The following TBL1X variants were observed in gnomAD, a reference collection of about 807,000 sequenced individuals.
TBL1X encodes the protein F-box-like/WD repeat-containing protein TBL1X.
Under a neutral mutation model 50.7 loss-of-function variants are expected in TBL1X, and 10 were observed. The observed-to-expected ratio is 0.20, with a 90% confidence interval of 0.12 to 0.33. TBL1X has a LOEUF of 0.33. TBL1X is among the 10% of genes least tolerant of loss of function. TBL1X has a pLI of 1.00. For synonymous variants in TBL1X, 190 were observed against 214.7 expected (o/e 0.88, Z 1.01); for missense variants, 340 against 504.4 (o/e 0.67, Z 3.12).
chrX:9,629,255 A>G (rs907842433), intron 2 of TBL1X, among the ~76,000 whole-genome samples: 5 of 112,864 alleles, frequency 4.4e-5, no homozygotes, highest in African/African-American at 1.6e-4. Context: ...AGGTAGTTTT[A>G]TTGGAACACA....
chrX:9,591,042 G>A (rs541102051), intron 2 of TBL1X, among the ~76,000 whole-genome samples: 16 of 110,176 alleles, frequency 1.5e-4, no homozygotes, highest in African/African-American at 4.6e-4. Flanking sequence ...TACCAGGGAC[G>A]ACCCAGGACA....
At chrX:9,655,397 T>C (rs941463635) in intron 5 of TBL1X, among the ~76,000 whole-genome samples, 3 of 111,306 alleles carry the variant, frequency 2.7e-5, no homozygotes, top group Non-Finnish European at 3.8e-5. Flanking sequence ...TTTGTCCACA[T>C]TTCCCCACGG....
chrX:9,634,304 C>T (rs1028338894), intron 2 of TBL1X, among the ~76,000 whole-genome samples: 2 of 111,041 alleles, frequency 1.8e-5, no homozygotes, highest in African/African-American at 6.6e-5. Flanking sequence ...TGTCCGTTCC[C>T]TCTGTGTGAG....
At chrX:9,619,410 C>T (rs1002727860) in intron 2 of TBL1X, among the ~76,000 whole-genome samples, 5 of 111,840 alleles carry the variant, frequency 4.5e-5, no homozygotes, top group African/African-American at 1.3e-4. Flanking sequence ...TGTCCACACC[C>T]GCGGTGCATC....
At chrX:9,627,554 TAA>T (rs2082698903) in intron 2 of TBL1X, among the ~76,000 whole-genome samples, 1 of 112,176 alleles carries the variant, frequency 8.9e-6, no homozygotes, top group Non-Finnish European at 1.9e-5. Context: ...TCACACCAAC[TAA>T]AAGTGTTAAA....
intron 1 of TBL1X, among the ~76,000 whole-genome samples, chrX:9,497,216 C>G (rs1290073497): frequency 9.1e-6 from 1 of 109,985 alleles, no homozygotes; most frequent in Non-Finnish European, 1.9e-5. Context: ...TGAGACCAGC[C>G]TGGGCAACAT....
chrX:9,530,719 C>A (rs1443505893), intron 2 of TBL1X, among the ~76,000 whole-genome samples: 1 of 112,378 alleles, frequency 8.9e-6, no homozygotes, highest in African/African-American at 3.2e-5. Context: ...CACAAATGTT[C>A]ATTTATCTGT....
chrX:9,697,964 A>G (rs763199789), intron 12 of TBL1X, among the ~76,000 whole-genome samples: 3 of 111,353 alleles, frequency 2.7e-5, no homozygotes, highest in East Asian at 5.7e-4. Context: ...ACACACCTCT[A>G]GTTTTAGCTA....
intron 7 of TBL1X, among the ~76,000 whole-genome samples, chrX:9,689,087 C>T (rs1171490319): frequency 8.8e-6 from 1 of 113,216 alleles, no homozygotes; most frequent in Non-Finnish European, 1.9e-5. Flanking sequence ...TGTGTGTGCA[C>T]AAGTTTGTGT....
intron 2 of TBL1X, among the ~76,000 whole-genome samples, chrX:9,564,248 C>T (rs1989703): frequency 0.01 from 1,120 of 111,347 alleles, 3 homozygotes; most frequent in South Asian, 0.037. Context: ...GGTGAAACCT[C>T]GTCTCTACTG....
chrX:9,669,288 A>G (rs778954101), intron 5 of TBL1X, among the ~76,000 whole-genome samples: 2 of 112,060 alleles, frequency 1.8e-5, no homozygotes, highest in Admixed American at 9.4e-5. Flanking sequence ...CTATAACGAA[A>G]GAGGCCTAAC....
At chrX:9,706,114 C>T (rs2083206125) in intron 13 of TBL1X, among the ~76,000 whole-genome samples, 1 of 111,645 alleles carries the variant, frequency 9.0e-6, no homozygotes, top group Admixed American at 9.5e-5. Flanking sequence ...ACACCTCCCA[C>T]GAGGCCCCAC....
At chrX:9,621,269 C>A (rs1055516717) in intron 2 of TBL1X, among the ~76,000 whole-genome samples, 1 of 111,600 alleles carries the variant, frequency 9.0e-6, no homozygotes, top group African/African-American at 3.3e-5. Flanking sequence ...GTGTAGTCAG[C>A]GAGGGGCACT....
rs2083110043 is a variant in TBL1X at position 9,693,211 on chromosome X, T to C, written c.954T>C (p.Asp318=). The C allele has an allele frequency of 8.3e-7, 1 of 1,211,441 alleles. No individual in the cohort carries two copies. Among genetic ancestry groups the C allele is most frequent in the Non-Finnish European group, 1.1e-6 (1 of 895,419 alleles). The stretch of plus-strand genomic sequence containing the variant: ...GTTTTGCAAGAATATGGACGGAAGA[T>C]GGTGAGTTCTGTGTCCCTCGTGCTG... ...YDGFARIWTE[D]GNLASTLGQH... Residue 318 remains aspartate (D), a splice_region_variant and synonymous_variant, in exon 10 of 18, where the codon GAT becomes GAC. Transcript: ENST00000645353.
chrX:9,644,791 G>A (rs1372827253), intron 3 of TBL1X: 7 of 111,456 alleles, frequency 6.3e-5, no homozygotes, highest in African/African-American at 2.3e-4. Context: ...GAGTAGCTGG[G>A]ATTACAGGCG....
intron 1 of TBL1X, among the ~76,000 whole-genome samples, chrX:9,483,009 T>C (rs1320611201): frequency 1.8e-5 from 2 of 111,387 alleles, no homozygotes; most frequent in African/African-American, 6.5e-5. Context: ...GTTACAGTTT[T>C]GCTCCCAGGG....
intron 2 of TBL1X, among the ~76,000 whole-genome samples, chrX:9,509,672 G>A (rs1211820615): frequency 9.2e-6 from 1 of 108,438 alleles, no homozygotes; most frequent in Non-Finnish European, 1.9e-5. Context: ...TTTTTGTAGA[G>A]ATGGGGTTTT....
At chrX:9,503,149 C>T (rs1334468617) in intron 2 of TBL1X, among the ~76,000 whole-genome samples, 1 of 112,303 alleles carries the variant, frequency 8.9e-6, no homozygotes, top group Non-Finnish European at 1.9e-5. Flanking sequence ...AGAAGGCTGG[C>T]GTGACCCACA....
intron 14 of TBL1X, 132 bp from the exon 15 acceptor site, chrX:9,709,501 G>A (rs2083231315): frequency 2.9e-6 from 3 of 1,035,686 alleles, no homozygotes; most frequent in Non-Finnish European, 3.9e-6. Flanking sequence ...CAGCCTCCCT[G>A]CAGCCTTTCT....
Sources: gnomAD v4.1 joint callset for allele counts (sites outside exome capture counted in the v4.1 genomes callset) on GRCh38, gnomAD v4.1.1 for gene constraint, MANE v1.5 for transcripts, NCBI Gene and HGNC (gene_info 2026-07-23, HGNC 2026-07-21) for gene names.